POU2F1: variants seen among roughly 807,000 people sequenced by gnomAD.
POU2F1 encodes POU class 2 homeobox 1, also known as POU domain, class 2, transcription factor 1.
A neutral mutation model predicts 84.9 loss-of-function variants in POU2F1; 16 were observed. The ratio of observed to expected loss-of-function variants is 0.19; its 90% CI spans 0.13 to 0.29. POU2F1 has a LOEUF of 0.29. Among genes scored for constraint, POU2F1 ranks in the 10% least tolerant of loss-of-function variants. The pLI, the probability that POU2F1 is intolerant of heterozygous loss-of-function variation, is 1.00. For missense variants in POU2F1, 738 were observed against 942.6 expected, an observed-to-expected ratio of 0.78 and a Z score of 2.84; for synonymous variants, 368 against 368.3, an observed-to-expected ratio of 1.00 and a Z score of 0.01.
At chr1:167,241,113 G>A (rs984199821) in intron 1 of POU2F1, among the ~76,000 whole-genome samples, 6 of 152,136 alleles carry the variant, frequency 3.9e-5, no homozygotes, top group Non-Finnish European at 8.8e-5. Flanking sequence ...TTGCACTCCA[G>A]CCTGGGCAAC....
chr1:167,249,161 T>G (rs1650549400), intron 1 of POU2F1, among the ~76,000 whole-genome samples: 1 of 152,198 alleles, frequency 6.6e-6, no homozygotes, highest in Non-Finnish European at 1.5e-5. Flanking sequence ...TGTAAGAATG[T>G]TTGGCATCCT....
intron 1 of POU2F1, among the ~76,000 whole-genome samples, chr1:167,288,128 T>G (rs1189585058): frequency 1.3e-5 from 2 of 152,166 alleles, no homozygotes; most frequent in Non-Finnish European, 2.9e-5. Flanking sequence ...AGAAGGAAAT[T>G]GAACTCAGAA....
intron 1 of POU2F1, among the ~76,000 whole-genome samples, chr1:167,247,067 T>A (rs546156736): frequency 6.8e-6 from 1 of 146,952 alleles, no homozygotes; most frequent in Non-Finnish European, 1.5e-5. Context: ...TGTGTGTGTG[T>A]GATTGAATTT....
intron 5 of POU2F1, among the ~76,000 whole-genome samples, chr1:167,372,847 G>A (rs950017274): frequency 6.6e-6 from 1 of 152,094 alleles, no homozygotes; most frequent in African/African-American, 2.4e-5. Flanking sequence ...TCTTTGTGGG[G>A]GTTGGTTTAG....
At chr1:167,287,132 G>A (rs1211996110) in intron 1 of POU2F1, among the ~76,000 whole-genome samples, 1 of 152,090 alleles carries the variant, frequency 6.6e-6, no homozygotes, top group Non-Finnish European at 1.5e-5. Context: ...GGGTAGGCTG[G>A]GGCGAACAAC....
chr1:167,383,552 T>G (rs953608161), intron 7 of POU2F1: 34 of 177,822 alleles, frequency 1.9e-4, no homozygotes, highest in Non-Finnish European at 3.8e-4. Context: ...TCCAGCTGTT[T>G]CTATTTAGAA....
chr1:167,407,712 A>G (rs1649678406), intron 13 of POU2F1, among the ~76,000 whole-genome samples: 1 of 152,222 alleles, frequency 6.6e-6, no homozygotes, highest in South Asian at 2.1e-4. Context: ...AGAGGAATAG[A>G]GGAATTTAGA....
At chr1:167,311,586 T>C (rs1655473329) in intron 1 of POU2F1, among the ~76,000 whole-genome samples, 1 of 152,112 alleles carries the variant, frequency 6.6e-6, no homozygotes, top group South Asian at 2.1e-4. Context: ...AAAATTCCTA[T>C]TGCTTGGTGA....
chr1:167,316,485 G>A (rs182785108), intron 1 of POU2F1, among the ~76,000 whole-genome samples: 326 of 152,254 alleles, frequency 2.1e-3, no homozygotes, highest in African/African-American at 7.4e-3. Context: ...GACTTTTCAC[G>A]AAACAATACA....
At chr1:167,385,022 T>C (rs183689173) in intron 8 of POU2F1, among the ~76,000 whole-genome samples, 1 of 152,258 alleles carries the variant, frequency 6.6e-6, no homozygotes, top group Non-Finnish European at 1.5e-5. Flanking sequence ...AAACTCAATA[T>C]ATAAAAATCA....
chr1:167,255,398 A>G (rs979086554), intron 1 of POU2F1, among the ~76,000 whole-genome samples: 2 of 152,238 alleles, frequency 1.3e-5, no homozygotes, highest in African/African-American at 4.8e-5. Context: ...GTGAACAAAA[A>G]GAGAGAGGTG....
At chr1:167,267,214 A>C (rs1171418279) in intron 1 of POU2F1, among the ~76,000 whole-genome samples, 1 of 151,896 alleles carries the variant, frequency 6.6e-6, no homozygotes, top group Non-Finnish European at 1.5e-5. Flanking sequence ...GGGGGAAGGA[A>C]GCTGTAAAAA....
chr1:167,377,259 A>G (rs912297767), intron 7 of POU2F1, among the ~76,000 whole-genome samples: 4 of 152,216 alleles, frequency 2.6e-5, no homozygotes, highest in African/African-American at 7.2e-5. Flanking sequence ...CTTAAATCCT[A>G]TAGCTTAGTG....
At chr1:167,345,327 A>G (rs976217758) in intron 2 of POU2F1, among the ~76,000 whole-genome samples, 3 of 152,178 alleles carry the variant, frequency 2.0e-5, no homozygotes, top group Non-Finnish European at 4.4e-5. Context: ...TAAAGGAGAT[A>G]AAGACAGATT....
At chr1:167,221,260 C>T (rs1255000299) in intron 1 of POU2F1, among the ~76,000 whole-genome samples, 2 of 151,122 alleles carry the variant, frequency 1.3e-5, no homozygotes, top group Non-Finnish European at 3.0e-5. Context: ...CCCTCCTCCT[C>T]TGCCGGCCGC....
rs1158139208 is a variant in POU2F1, at chr1:167,247,285, C to CA, written c.61+26330dup. On this transcript the variant is annotated intron_variant, in intron 1 of 15. Transcript: ENST00000367866. ...TAGAGACGGTTGCCCAGGCTAGTCT[C>CA]AAACTCCTGGCCTTGAGTGATCCTT... Among the ~76,000 whole-genome samples, 3 of 152,098 alleles carry CA rather than the reference C, an allele frequency of 2.0e-5. No individual in the cohort carries two copies. In the East Asian group the frequency reaches 5.8e-4, roughly 29 times the overall value.
intron 15 of POU2F1, 77 bp from the exon 16 acceptor site, chr1:167,415,423 T>C: frequency 2.7e-6 from 4 of 1,465,916 alleles, no homozygotes; most frequent in Non-Finnish European, 3.7e-6. Flanking sequence ...TGATAGACTT[T>C]TGATGTGTTA....
intron 2 of POU2F1, among the ~76,000 whole-genome samples, chr1:167,361,048 A>G (rs1379364157): frequency 2.6e-5 from 4 of 152,014 alleles, no homozygotes; most frequent in Non-Finnish European, 4.4e-5. Context: ...TAGGAATGCT[A>G]CTGATTTTTG....
At chr1:167,235,778 T>C (rs1649406418) in intron 1 of POU2F1, among the ~76,000 whole-genome samples, 1 of 152,246 alleles carries the variant, frequency 6.6e-6, no homozygotes, top group African/African-American at 2.4e-5. Context: ...TTCTTTGCAG[T>C]AACTTGGATG....
Sources: allele counts gnomAD v4.1 joint callset (sites outside exome capture counted in the v4.1 genomes callset), GRCh38; gene constraint gnomAD v4.1.1; transcripts MANE v1.5; gene names NCBI Gene and HGNC (gene_info 2026-07-23, HGNC 2026-07-21).